PEX1: variants seen among roughly 807,000 people sequenced by gnomAD.
PEX1 encodes peroxisomal biogenesis factor 1.
A neutral mutation model predicts 152.5 loss-of-function variants in PEX1; 97 were observed. That is an observed-to-expected ratio of 0.64 (90% CI 0.54 to 0.75). The LOEUF (loss-of-function observed/expected upper bound fraction) is 0.75, where lower values mean the gene tolerates loss of function less well. Ranked by LOEUF, PEX1 falls within the 30% of genes least tolerant of loss-of-function variation. PEX1 has a pLI of 0.00. For missense variants in PEX1, 1,357 were observed against 1,516.3 expected (o/e 0.89, Z 1.74); for synonymous variants, 485 against 531.6 (o/e 0.91, Z 1.21).
At chr7:92,522,501 T>G (rs1205779735) in intron 1 of PEX1, among the ~76,000 whole-genome samples, 1 of 152,218 alleles carries the variant, frequency 6.6e-6, no homozygotes, top group Non-Finnish European at 1.5e-5. Context: ...GAATTCAAAA[T>G]GGCAGCAGTC....
At chr7:92,516,050 AGAGAAAAAAGAAAAGAAAAGAAAAG>A (rs1480311280) in intron 5 of PEX1, among the ~76,000 whole-genome samples, 89 of 90,544 alleles carry the variant, frequency 9.8e-4, no homozygotes, top group South Asian at 2.6e-3. Flanking sequence ...AGAGAAGAGA[AGAGAAAAAAGAAAAGAAAAGAAAAG>A]AAAAGAAAAG....
At chr7:92,489,267 C>G in intron 23 of PEX1, 26 bp downstream of exon 23, 1 of 1,602,768 alleles carries the variant, frequency 6.2e-7, no homozygotes, top group Non-Finnish European at 8.5e-7. Flanking sequence ...AGTAGCTGTA[C>G]TTCCAAAACA....
At chr7:92,511,829 C>CATGTTCT in intron 6 of PEX1, 126 bp from the exon 7 acceptor site, 3 of 843,064 alleles carry the variant, frequency 3.6e-6, no homozygotes, top group Non-Finnish European at 5.7e-6. Flanking sequence ...GAAGGATGTT[C>CATGTTCT]ATGTTCTATA....
chr7:92,506,913 A>G, intron 10 of PEX1, 81 bp downstream of exon 10: 1 of 1,437,392 alleles, frequency 7.0e-7, no homozygotes, highest in Non-Finnish European at 9.8e-7. Flanking sequence ...CACCCTATAT[A>G]ATAGATGGTC....
At chr7:92,518,390 A>T in intron 3 of PEX1, 135 bp from the exon 4 acceptor site, 1 of 675,288 alleles carries the variant, frequency 1.5e-6, no homozygotes. Context: ...TGGTGTTATG[A>T]GCTACATATA....
rs752950652 is a variant in PEX1 at position 92,518,046 on chromosome 7, T to C, written c.473-4A>G. 6.2e-7 allele frequency: 1 copy of C among 1,614,168 alleles called. No homozygotes were observed. Among genetic ancestry groups the C allele is most frequent in the Non-Finnish European group, 8.5e-7 (1 of 1,179,990 alleles). On this transcript the variant is annotated splice_polypyrimidine_tract_variant and splice_region_variant and intron_variant, in intron 4 of 23. Coordinates refer to ENST00000248633, the MANE Select transcript of PEX1 (RefSeq NM_000466.3). ...GAGGCAGCTGGTATTAGTGCAACTGTGTAGAAAATAAAGCTCATTAGTGCA... is the reference window on the plus strand; with the variant it reads ...GAGGCAGCTGGTATTAGTGCAACTGCGTAGAAAATAAAGCTCATTAGTGCA...
rs1057517484 is a variant in PEX1, at chr7:92,494,614, C to CT, written c.2798dup (p.Pro934AlafsTer7). 1 of 1,613,982 alleles carries CT rather than the reference C, an allele frequency of 6.2e-7. No individual in the cohort carries two copies. The highest frequency in any genetic ancestry group is 8.5e-7 in the Non-Finnish European group (1 of 1,179,916). Reference sequence around the variant, plus strand: ...ATTCATCAAAGAAAAGAATGCAGGGCTTTGCAGCCTGTGCTCTGGGAAAAA... The same window carrying CT: ...ATTCATCAAAGAAAAGAATGCAGGGCTTTTGCAGCCTGTGCTCTGGGAAAAA... On this transcript the variant is annotated frameshift_variant, in exon 18 of 24. Transcript: ENST00000248633. LOFTEE classifies it high-confidence loss of function.
At chr7:92,499,205 C>T (rs754416705) in intron 16 of PEX1, among the ~76,000 whole-genome samples, 2 of 152,186 alleles carry the variant, frequency 1.3e-5, no homozygotes, top group Admixed American at 6.5e-5. Context: ...AAGAATTCTA[C>T]TCCTCAGTTT....
Position 92,489,332 on chromosome 7 carries a change from G to A in PEX1, c.3728C>T (p.Pro1243Leu). 1 of 1,613,208 alleles carries A rather than the reference G, an allele frequency of 6.2e-7. No homozygotes were observed. Among genetic ancestry groups the A allele is most frequent in the South Asian group, 1.1e-5 (1 of 91,024 alleles). ...HLMTALGHTR[P>L]SISEDDWKNF... ...CTTCCAGTCATCTTCACTAATGGAT[G>A]GTCTTGTGTGACCAAGTGCAGTCAT... is the stretch of plus-strand genomic sequence containing the variant. Residue 1243 changes from proline (P) to leucine (L), a missense_variant, in exon 23 of 24, where the codon CCA (proline) becomes CTA (leucine). Coordinates refer to ENST00000248633, the MANE Select transcript of PEX1 (RefSeq NM_000466.3).
chr7:92,527,641 G>A (rs1460333800), intron 1 of PEX1, among the ~76,000 whole-genome samples: 2 of 152,168 alleles, frequency 1.3e-5, no homozygotes, highest in African/African-American at 2.4e-5. Context: ...ACTCAAACTC[G>A]TGAGACCATG....
At chr7:92,491,227 T>C (rs765722243) in intron 21 of PEX1, 45 bp downstream of exon 21, 9 of 1,294,006 alleles carry the variant, frequency 7.0e-6, no homozygotes, top group Non-Finnish European at 9.0e-6. Flanking sequence ...CACCAACATA[T>C]AGCTTTATAT....
At chr7:92,522,053 C>T (rs1793072280) in intron 2 of PEX1, 49 bp downstream of exon 2, 5 of 1,564,358 alleles carry the variant, frequency 3.2e-6, no homozygotes, top group South Asian at 2.2e-5. Context: ...ATTTCTATTG[C>T]TATATTATGT....
intron 3 of PEX1, 116 bp from the exon 4 acceptor site, chr7:92,518,371 T>C: frequency 1.4e-6 from 1 of 711,092 alleles, no homozygotes; most frequent in Non-Finnish European, 2.6e-6. Context: ...ATATTTAATA[T>C]ACACGACATG....
Position 92,489,865 on chromosome 7 carries a change from G to C in PEX1, c.3485C>G (p.Pro1162Arg), listed in dbSNP as rs139869362. ...SAPSSMTQDL[P>R]GVPGKDQLFS... ...CAACTGGTCTTTCCCAGGAACTCCAGGCAAATCCTGAGTCATGGAGCTTGG... is the reference window on the plus strand; with the variant it reads ...CAACTGGTCTTTCCCAGGAACTCCACGCAAATCCTGAGTCATGGAGCTTGG... Residue 1162 changes from proline (P) to arginine (R), a missense_variant, in exon 22 of 24, where the codon CCT becomes CGT. Pro to Arg is a moderately radical substitution (Grantham distance 103, BLOSUM62 -2). Transcript: ENST00000248633. 4.3e-6 allele frequency: 7 copies of C among 1,613,932 alleles called. No homozygotes were observed. The Admixed American group carries it at 6.7e-5, about 15-fold the overall frequency.
Position 92,494,328 on chromosome 7 carries a change from G to T in PEX1, c.2995C>A (p.Leu999Ile), listed in dbSNP as rs1791529840. The change falls in exon 19 of 24, where the codon CTA becomes ATA. Residue 999 changes from leucine (L) to isoleucine (I), a missense_variant. Leu to Ile is a conservative substitution (Grantham distance 5). Coordinates refer to ENST00000248633, the MANE Select transcript of PEX1 (RefSeq NM_000466.3). ...IDPALLRPGR[L>I]DKCVYCPPPD... ...GGAGGACAGTATACACATTTATCTA[G>T]TCGACCAGGCCTAAGCAGGGCAGGG... 9 of 1,613,882 alleles carry T rather than the reference G, an allele frequency of 5.6e-6. No homozygotes were observed. In the East Asian group the frequency reaches 2.0e-4, roughly 36 times the overall value.
intron 17 of PEX1, 57 bp from the exon 18 acceptor site, chr7:92,494,686 A>C: frequency 7.1e-7 from 1 of 1,415,622 alleles, no homozygotes; most frequent in Non-Finnish European, 1.0e-6. Flanking sequence ...TGGCAAAGTG[A>C]TTTCATATAC....
At chr7:92,524,098 T>C (rs190595453) in intron 1 of PEX1, among the ~76,000 whole-genome samples, 3 of 152,110 alleles carry the variant, frequency 2.0e-5, no homozygotes, top group African/African-American at 7.2e-5. Flanking sequence ...TGCAATTTTT[T>C]TTTTCCTGAG....
At chr7:92,510,663 G>C (rs1792420187) in intron 8 of PEX1, among the ~76,000 whole-genome samples, 1 of 151,934 alleles carries the variant, frequency 6.6e-6, no homozygotes, top group Non-Finnish European at 1.5e-5. Context: ...AATCCTAGAA[G>C]AATTTTAAAT....
At chr7:92,501,790 A>G in intron 14 of PEX1, 100 bp downstream of exon 14, 1 of 1,365,176 alleles carries the variant, frequency 7.3e-7, no homozygotes, top group Non-Finnish European at 1.0e-6. Flanking sequence ...TGCTTATTCA[A>G]ATACTACAAT....
Sources: gnomAD v4.1 joint callset for allele counts (sites outside exome capture counted in the v4.1 genomes callset) on GRCh38, gnomAD v4.1.1 for gene constraint, MANE v1.5 for transcripts, NCBI Gene and HGNC (gene_info 2026-07-23, HGNC 2026-07-21) for gene names.